TNNI3K: variants seen among roughly 807,000 people sequenced by gnomAD.
TNNI3K encodes serine/threonine-protein kinase TNNI3K.
A neutral mutation model predicts 114.5 loss-of-function variants in TNNI3K; 140 were observed. The ratio of observed to expected loss-of-function variants is 1.22; its 90% CI spans 1.07 to 1.41. The LOEUF (loss-of-function observed/expected upper bound fraction) is 1.41, where lower values mean the gene tolerates loss of function less well. Ranked by LOEUF, TNNI3K falls within the 40% of genes most tolerant of loss-of-function variation. TNNI3K has a pLI of 0.00. For synonymous variants in TNNI3K, 347 were observed against 347.5 expected (o/e 1.00, Z 0.02); for missense variants, 1,125 against 1,007.6 (o/e 1.12, Z -1.58).
At chr1:74,258,944 T>A (rs1279331526) in intron 4 of TNNI3K, among the ~76,000 whole-genome samples, 1 of 152,208 alleles carries the variant, frequency 6.6e-6, no homozygotes, top group Non-Finnish European at 1.5e-5. Context: ...ATGTAAACAA[T>A]CTAGGTCTAC....
chr1:74,467,181 A>T (rs1306176650), intron 21 of TNNI3K, among the ~76,000 whole-genome samples: 1 of 152,176 alleles, frequency 6.6e-6, no homozygotes, highest in Non-Finnish European at 1.5e-5. Flanking sequence ...AGGAGAACAG[A>T]TACAAGGGAA....
chr1:74,410,710 T>C (rs778556704), intron 17 of TNNI3K, among the ~76,000 whole-genome samples: 12 of 152,178 alleles, frequency 7.9e-5, no homozygotes, highest in Non-Finnish European at 1.8e-4. Context: ...GATACACTAA[T>C]GTAATAGCCA....
intron 21 of TNNI3K, among the ~76,000 whole-genome samples, chr1:74,484,667 A>C (rs550512681): frequency 6.6e-6 from 1 of 152,150 alleles, no homozygotes; most frequent in Non-Finnish European, 1.5e-5. Flanking sequence ...TCTCAAGGGC[A>C]TGAGGAGGTT....
At chr1:74,351,461 C>T (rs922364544) in intron 9 of TNNI3K, among the ~76,000 whole-genome samples, 33 of 151,966 alleles carry the variant, frequency 2.2e-4, no homozygotes, top group African/African-American at 7.0e-4. Context: ...TTGCTCTTCT[C>T]GGGGAGTATC....
intron 17 of TNNI3K, among the ~76,000 whole-genome samples, chr1:74,400,912 A>C (rs538667070): frequency 6.6e-6 from 1 of 152,220 alleles, no homozygotes; most frequent in African/African-American, 2.4e-5. Flanking sequence ...CTGGCATTCC[A>C]TAAGATTCCT....
intron 23 of TNNI3K, among the ~76,000 whole-genome samples, chr1:74,509,227 A>G (rs1331334729): frequency 6.6e-6 from 1 of 152,192 alleles, no homozygotes; most frequent in Non-Finnish European, 1.5e-5. Context: ...AGTGTTGACC[A>G]TTCCTCAGTC....
chr1:74,465,969 G>C (rs1363080392), intron 21 of TNNI3K, among the ~76,000 whole-genome samples: 1 of 152,194 alleles, frequency 6.6e-6, no homozygotes, highest in Non-Finnish European at 1.5e-5. Flanking sequence ...TATTGTGGAA[G>C]CTATGATTTT....
intron 23 of TNNI3K, among the ~76,000 whole-genome samples, chr1:74,509,535 C>T (rs1014179731): frequency 4.0e-5 from 6 of 151,884 alleles, no homozygotes; most frequent in Non-Finnish European, 5.9e-5. Flanking sequence ...CAAGATAAAT[C>T]GTATACTCTT....
intron 9 of TNNI3K, among the ~76,000 whole-genome samples, chr1:74,348,332 G>A (rs1347729168): frequency 6.6e-6 from 1 of 152,032 alleles, no homozygotes; most frequent in Non-Finnish European, 1.5e-5. Flanking sequence ...ATTTCTGAGG[G>A]CTCTGTTCTG....
chr1:74,429,543 A>G (rs1211321103), intron 17 of TNNI3K, among the ~76,000 whole-genome samples: 1 of 152,108 alleles, frequency 6.6e-6, no homozygotes, highest in African/African-American at 2.4e-5. Flanking sequence ...AAGACTCAAG[A>G]GAAGAGAAAA....
chr1:74,394,678 T>C (rs1171970465), intron 17 of TNNI3K, among the ~76,000 whole-genome samples: 1 of 152,220 alleles, frequency 6.6e-6, no homozygotes, highest in Non-Finnish European at 1.5e-5. Flanking sequence ...AGTCAAATAC[T>C]TGAAAAGCCT....
intron 4 of TNNI3K, among the ~76,000 whole-genome samples, chr1:74,269,168 C>A (rs528585257): frequency 6.6e-6 from 1 of 151,854 alleles, no homozygotes; most frequent in Admixed American, 6.6e-5. Flanking sequence ...CCTGATTAAC[C>A]AGTTTAAAAT....
intron 7 of TNNI3K, among the ~76,000 whole-genome samples, chr1:74,339,328 C>T (rs1437845607): frequency 5.3e-5 from 8 of 152,202 alleles, no homozygotes; most frequent in East Asian, 3.9e-4. Flanking sequence ...TTCTAGTACA[C>T]GCTTGATATT....
At chr1:74,272,593 C>T (rs963143313) in intron 5 of TNNI3K, among the ~76,000 whole-genome samples, 1 of 151,596 alleles carries the variant, frequency 6.6e-6, no homozygotes, top group Non-Finnish European at 1.5e-5. Context: ...GTGGAGTGAG[C>T]GGAGGAAGAA....
At chr1:74,538,658 G>T (rs1242254472) in intron 23 of TNNI3K, among the ~76,000 whole-genome samples, 1 of 152,166 alleles carries the variant, frequency 6.6e-6, no homozygotes, top group Non-Finnish European at 1.5e-5. Context: ...ATCTATTCTT[G>T]GCTCCTCTGC....
At chr1:74,239,609 G>C (rs1654063164) in intron 2 of TNNI3K, among the ~76,000 whole-genome samples, 1 of 152,042 alleles carries the variant, frequency 6.6e-6, no homozygotes, top group Admixed American at 6.6e-5. Flanking sequence ...GAAACGTAAA[G>C]GATCACTGAT....
chr1:74,327,284 C>T (rs1659961055), intron 5 of TNNI3K, among the ~76,000 whole-genome samples: 2 of 150,716 alleles, frequency 1.3e-5, no homozygotes, highest in African/African-American at 4.9e-5. Context: ...AAAACAACCA[C>T]TTAATGGGAG....
At chr1:74,333,745 T>A (rs1241091582) in intron 6 of TNNI3K, among the ~76,000 whole-genome samples, 3 of 152,262 alleles carry the variant, frequency 2.0e-5, no homozygotes, top group Non-Finnish European at 1.5e-5. Flanking sequence ...TATTTACTTA[T>A]TTTTAAGTGG....
At chr1:74,493,785 G>A (rs974068410) in intron 23 of TNNI3K, among the ~76,000 whole-genome samples, 1 of 152,136 alleles carries the variant, frequency 6.6e-6, no homozygotes, top group African/African-American at 2.4e-5. Flanking sequence ...TAACTCAAGA[G>A]GACAAGCCCA....
Sources: allele counts gnomAD v4.1 joint callset (sites outside exome capture counted in the v4.1 genomes callset), GRCh38; gene constraint gnomAD v4.1.1; transcripts MANE v1.5; gene names NCBI Gene and HGNC (gene_info 2026-07-23, HGNC 2026-07-21).